The following SLC35D1 variants were observed in gnomAD, a reference collection of about 807,000 sequenced individuals.
The protein encoded by SLC35D1 is solute carrier family 35 member D1.
A neutral mutation model predicts 46.7 loss-of-function variants in SLC35D1; 31 were observed. That is an observed-to-expected ratio of 0.66 (90% confidence interval 0.50 to 0.90). The LOEUF (loss-of-function observed/expected upper bound fraction) is 0.90. Among genes scored for constraint, SLC35D1 ranks in the 40% least tolerant of loss-of-function variants. SLC35D1 has a pLI of 0.00. For synonymous variants in SLC35D1, 195 were observed against 164.6 expected, an observed-to-expected ratio of 1.18 and a Z score of -1.41; for missense variants, 397 against 426.2, an observed-to-expected ratio of 0.93 and a Z score of 0.60.
At chr1:67,040,759 T>C (rs1395705458) in intron 8 of SLC35D1, among the ~76,000 whole-genome samples, 2 of 152,234 alleles carry the variant, frequency 1.3e-5, no homozygotes, top group African/African-American at 4.8e-5. Context: ...CAAAGGGCCA[T>C]ACAAATTGCT....
chr1:67,045,440 A>G (rs983804182), intron 7 of SLC35D1, among the ~76,000 whole-genome samples: 2 of 152,208 alleles, frequency 1.3e-5, no homozygotes, highest in African/African-American at 4.8e-5. Flanking sequence ...GTCTTTTACA[A>G]TCTGACTGTT....
At chr1:66,991,509 A>AACTT in the SLC35D1 span, among the ~76,000 whole-genome samples, 2 of 152,232 alleles carry the variant, frequency 1.3e-5, 1 homozygote, top group African/African-American at 4.8e-5. Flanking sequence ...CTATGTGACA[A>AACTT]ACTTAGGAAG....
At chr1:66,983,828 A>G in the SLC35D1 span, among the ~76,000 whole-genome samples, 1 of 152,202 alleles carries the variant, frequency 6.6e-6, no homozygotes, top group African/African-American at 2.4e-5. Flanking sequence ...CCTGGGTTCA[A>G]GTGATTCTGC....
the SLC35D1 span, chr1:66,981,927 C>T: frequency 6.2e-7 from 1 of 1,612,506 alleles, no homozygotes; most frequent in Non-Finnish European, 8.5e-7. Flanking sequence ...TGGTAAGCAA[C>T]CAGAGAAACA....
At chr1:67,012,239 A>C (rs1667580999) in intron 10 of SLC35D1, among the ~76,000 whole-genome samples, 1 of 152,168 alleles carries the variant, frequency 6.6e-6, no homozygotes, top group Non-Finnish European at 1.5e-5. Context: ...GGGCCTACCT[A>C]TTCTCACAGA....
chr1:67,048,389 A>T (rs1464644435), intron 6 of SLC35D1, among the ~76,000 whole-genome samples: 1 of 152,244 alleles, frequency 6.6e-6, no homozygotes, highest in African/African-American at 2.4e-5. Flanking sequence ...AATGTTTCAA[A>T]GACTAGCAGG....
intron 8 of SLC35D1, chr1:67,032,007 TGAAGA>T (rs1448670966): frequency 1.0e-6 from 1 of 962,266 alleles, no homozygotes; most frequent in Admixed American, 6.2e-5. Flanking sequence ...AGAGCCATTG[TGAAGA>T]GAATGACCTA....
the SLC35D1 span, among the ~76,000 whole-genome samples, chr1:66,979,466 G>A: frequency 6.6e-6 from 1 of 152,106 alleles, no homozygotes; most frequent in Admixed American, 6.5e-5. Context: ...GCTACACATT[G>A]TCCCTATTTA....
intron 10 of SLC35D1, among the ~76,000 whole-genome samples, chr1:67,012,545 CAAAAAAAAAAAA>C (rs10674963): frequency 9.7e-6 from 1 of 103,208 alleles, no homozygotes; most frequent in Non-Finnish European, 1.9e-5. Flanking sequence ...ACTCCTAAAT[CAAAAAAAAAAAA>C]AAAAAAAAAA....
chr1:66,995,917 T>C (rs554226831), downstream of SLC35D1, among the ~76,000 whole-genome samples: 6 of 152,248 alleles, frequency 3.9e-5, no homozygotes, highest in African/African-American at 9.6e-5. Flanking sequence ...TAGGCAGATA[T>C]GATAAAGCAC....
At chr1:66,979,570 A>T in the SLC35D1 span, among the ~76,000 whole-genome samples, 1 of 152,212 alleles carries the variant, frequency 6.6e-6, no homozygotes, top group South Asian at 2.1e-4. Flanking sequence ...TTAACTCAGC[A>T]TAACTTTGAT....
chr1:66,988,834 C>T, the SLC35D1 span, among the ~76,000 whole-genome samples: 2 of 152,168 alleles, frequency 1.3e-5, no homozygotes, highest in Admixed American at 6.5e-5. Flanking sequence ...GTACCAGGTA[C>T]TATGCTTGCT....
At chr1:66,977,271 G>C in the SLC35D1 span, among the ~76,000 whole-genome samples, 1 of 151,812 alleles carries the variant, frequency 6.6e-6, no homozygotes, top group African/African-American at 2.4e-5. Context: ...CATGACGCCT[G>C]GCTAATTTTT....
chr1:67,018,467 C>T (rs956586801), intron 10 of SLC35D1, among the ~76,000 whole-genome samples: 3 of 152,068 alleles, frequency 2.0e-5, no homozygotes, highest in Non-Finnish European at 4.4e-5. Flanking sequence ...GAAAAGACAC[C>T]AACGTCTTCA....
At chr1:67,051,562 C>T (rs1645309168) in intron 4 of SLC35D1, among the ~76,000 whole-genome samples, 1 of 152,160 alleles carries the variant, frequency 6.6e-6, no homozygotes. Context: ...AGGGTTCTAG[C>T]TGATGTTACC....
intron 6 of SLC35D1, 130 bp downstream of exon 6, chr1:67,049,650 AAG>A: frequency 2.4e-6 from 2 of 820,830 alleles, no homozygotes; most frequent in South Asian, 3.2e-5. Flanking sequence ...TAACCTTTTC[AAG>A]AGTCTTCTAG....
At chr1:67,010,739 T>C (rs1667546442) in intron 10 of SLC35D1, among the ~76,000 whole-genome samples, 1 of 152,206 alleles carries the variant, frequency 6.6e-6, no homozygotes, top group Non-Finnish European at 1.5e-5. Flanking sequence ...GTTTTAGATT[T>C]TGGAGCAAGC....
chr1:67,013,157 G>GATATATATATATATACGTATATATATAT (rs964691631), intron 10 of SLC35D1, among the ~76,000 whole-genome samples: 11 of 29,806 alleles, frequency 3.7e-4, no homozygotes, highest in African/African-American at 2.0e-3. Context: ...ATATCCTGGA[G>GATATATATATATATACGTATATATATAT]ATATATATAT....
intron 8 of SLC35D1, among the ~76,000 whole-genome samples, chr1:67,030,410 G>A (rs1326896984): frequency 6.6e-5 from 10 of 152,012 alleles, no homozygotes; most frequent in Admixed American, 6.6e-4. Context: ...TGTTGTAAGG[G>A]ACAATGATAA....
Sources: gnomAD v4.1 joint callset for allele counts (sites outside exome capture counted in the v4.1 genomes callset) on GRCh38, gnomAD v4.1.1 for gene constraint, MANE v1.5 for transcripts, NCBI Gene and HGNC (gene_info 2026-07-23, HGNC 2026-07-21) for gene names.